GRID1: variants seen among roughly 807,000 people sequenced by gnomAD.
GRID1 encodes the protein glutamate ionotropic receptor delta type subunit 1, also known as glutamate receptor ionotropic, delta-1.
GRID1 carries 28 observed loss-of-function variants against 98.0 expected under a neutral mutation model. The observed-to-expected ratio is 0.29, with a 90% CI of 0.21 to 0.39. The LOEUF is 0.39. GRID1 is among the 10% of genes least tolerant of loss of function. The pLI, the probability that GRID1 is intolerant of heterozygous loss-of-function variation, is 1.00. For missense variants in GRID1, 1,111 were observed against 1,340.5 expected (o/e 0.83, Z 2.67); for synonymous variants, 553 against 538.5 (o/e 1.03, Z -0.37).
intron 8 of GRID1, among the ~76,000 whole-genome samples, chr10:85,826,382 A>G (rs981737378): frequency 2.6e-5 from 4 of 152,148 alleles, no homozygotes; most frequent in African/African-American, 7.2e-5. Context: ...TAGAATTGTC[A>G]GATTAGATTT....
At chr10:85,793,489 C>A (rs1842499515) in intron 8 of GRID1, among the ~76,000 whole-genome samples, 1 of 152,292 alleles carries the variant, frequency 6.6e-6, no homozygotes, top group South Asian at 2.1e-4. Context: ...ATCTGCATAA[C>A]CCAGCCCAGG....
At chr10:85,867,011 C>T (rs1339694247) in intron 6 of GRID1, among the ~76,000 whole-genome samples, 3 of 152,118 alleles carry the variant, frequency 2.0e-5, no homozygotes, top group African/African-American at 7.2e-5. Context: ...GGAGCTGTGC[C>T]TTTGTTTCTC....
chr10:86,221,498 C>T (rs528749023), intron 2 of GRID1, among the ~76,000 whole-genome samples: 12 of 152,270 alleles, frequency 7.9e-5, no homozygotes, highest in African/African-American at 2.4e-4. Context: ...CCTTTGTGGG[C>T]TGTGGGCTGT....
chr10:85,722,969 C>G, intron 12 of GRID1, 34 bp downstream of exon 12: 1 of 1,582,792 alleles, frequency 6.3e-7, no homozygotes, highest in Non-Finnish European at 8.6e-7. Context: ...CCTCTCTGAG[C>G]TGCTGGCTCC....
chr10:86,223,192 G>A (rs193101479), intron 2 of GRID1, among the ~76,000 whole-genome samples: 5 of 152,306 alleles, frequency 3.3e-5, no homozygotes, highest in African/African-American at 7.2e-5. Context: ...GGCTGAGAGC[G>A]GGATGGCTAG....
rs1453461510 is a variant in GRID1 at position 86,112,235 on chromosome 10, T to C, written c.726+26584A>G. 2.0e-5 allele frequency among the ~76,000 whole-genome samples: 3 copies of C among 152,268 alleles called. No homozygotes were observed. In the East Asian group the frequency reaches 5.8e-4, roughly 29 times the overall value. On this transcript the variant is annotated intron_variant, in intron 4 of 15. Transcript: ENST00000327946. ...CAGGAGCAGGCAGGCTTAGCAGAGA[T>C]TCCTCACGCCACATCTGCAGGATGA...
At chr10:86,325,813 C>A (rs2132098891) in intron 2 of GRID1, among the ~76,000 whole-genome samples, 1 of 152,330 alleles carries the variant, frequency 6.6e-6, no homozygotes, top group South Asian at 2.1e-4. Context: ...TAGAAACCTA[C>A]AACAAGCATC....
intron 15 of GRID1, among the ~76,000 whole-genome samples, chr10:85,611,575 G>A (rs77926521): frequency 0.033 from 5,054 of 152,280 alleles, 125 homozygotes; most frequent in Non-Finnish European, 0.047. Context: ...CAAACAACAC[G>A]GAGCGGGTGC....
chr10:86,328,780 C>T (rs925364858), intron 2 of GRID1, among the ~76,000 whole-genome samples: 1 of 152,090 alleles, frequency 6.6e-6, no homozygotes, highest in African/African-American at 2.4e-5. Flanking sequence ...CCCCTCCACC[C>T]CCACCAACAT....
intron 5 of GRID1, among the ~76,000 whole-genome samples, chr10:85,875,718 C>G (rs1290209184): frequency 6.6e-6 from 1 of 152,144 alleles, no homozygotes; most frequent in Non-Finnish European, 1.5e-5. Context: ...TTACTCTCTT[C>G]TTTAATGTTT....
intron 12 of GRID1, among the ~76,000 whole-genome samples, chr10:85,655,267 C>T (rs1206241918): frequency 2.0e-5 from 3 of 152,194 alleles, no homozygotes; most frequent in Non-Finnish European, 2.9e-5. Context: ...GCTGTCATGT[C>T]GTATTGAAAG....
chr10:86,120,725 T>C (rs931915979), intron 4 of GRID1, among the ~76,000 whole-genome samples: 2 of 152,242 alleles, frequency 1.3e-5, no homozygotes, highest in Non-Finnish European at 2.9e-5. Context: ...TGTCAAGGTA[T>C]TGTCAGTTTG....
At chr10:86,347,393 A>G (rs1474933065) in intron 2 of GRID1, among the ~76,000 whole-genome samples, 1 of 152,124 alleles carries the variant, frequency 6.6e-6, no homozygotes, top group Non-Finnish European at 1.5e-5. Context: ...GGGACTGGGC[A>G]GCCCCCACCA....
intron 8 of GRID1, among the ~76,000 whole-genome samples, chr10:85,792,086 C>A (rs555567400): frequency 5.3e-5 from 8 of 152,264 alleles, no homozygotes; most frequent in African/African-American, 1.7e-4. Flanking sequence ...GTTATCTACC[C>A]AAGCTGGCCA....
chr10:86,306,883 T>G (rs1337374035), intron 2 of GRID1, among the ~76,000 whole-genome samples: 1 of 152,240 alleles, frequency 6.6e-6, no homozygotes, highest in African/African-American at 2.4e-5. Context: ...CCACCTTTGT[T>G]GCGATACAGT....
In GRID1 at chr10:86,318,621, C is replaced by T. The variant is rs564137948; in HGVS notation, c.235+45320G>A. 5.9e-4 allele frequency among the ~76,000 whole-genome samples: 90 copies of T among 152,292 alleles called. 1 individual carries two copies. The highest frequency in any genetic ancestry group is 2.1e-3 in the African/African-American group (87 of 41,564). On this transcript the variant is annotated intron_variant, in intron 2 of 15. Coordinates refer to ENST00000327946, the MANE Select transcript of GRID1 (RefSeq NM_017551.3). ...CATCCTCCCTGTCCGTTCCCTGGAG[C>T]CAGAAGTTGAGCCTGAGGACATGGC...
At chr10:86,060,892 G>T (rs2131913026) in intron 4 of GRID1, among the ~76,000 whole-genome samples, 1 of 152,258 alleles carries the variant, frequency 6.6e-6, no homozygotes, top group East Asian at 1.9e-4. Flanking sequence ...AGGCCTCTGG[G>T]TATCCACCTC....
intron 2 of GRID1, among the ~76,000 whole-genome samples, chr10:86,345,792 G>A (rs986439305): frequency 6.6e-6 from 1 of 151,808 alleles, no homozygotes; most frequent in African/African-American, 2.4e-5. Flanking sequence ...ACTTCTGCCT[G>A]TACCAGAGGG....
At chr10:86,198,547 C>T (rs537843584) in intron 3 of GRID1, among the ~76,000 whole-genome samples, 1 of 152,244 alleles carries the variant, frequency 6.6e-6, no homozygotes, top group African/African-American at 2.4e-5. Flanking sequence ...CCCCTGACAT[C>T]TATTGACTCA....
Sources: gnomAD v4.1 joint callset for allele counts (sites outside exome capture counted in the v4.1 genomes callset) on GRCh38, gnomAD v4.1.1 for gene constraint, MANE v1.5 for transcripts, NCBI Gene and HGNC (gene_info 2026-07-23, HGNC 2026-07-21) for gene names.